IL1RAPL1: variants seen among roughly 807,000 people sequenced by gnomAD.
The protein encoded by IL1RAPL1 is interleukin-1 receptor accessory protein-like 1.
A neutral mutation model predicts 48.4 loss-of-function variants in IL1RAPL1; 3 were observed. The observed-to-expected ratio is 0.06, with a 90% CI of 0.03 to 0.16. The LOEUF (loss-of-function observed/expected upper bound fraction) is 0.16, where lower values mean the gene tolerates loss of function less well. Ranked by LOEUF, IL1RAPL1 falls within the 10% of genes least tolerant of loss-of-function variation. The pLI is 1.00. For synonymous variants in IL1RAPL1, 185 were observed against 187.7 expected (o/e 0.99, Z 0.12); for missense variants, 349 against 530.6 (o/e 0.66, Z 3.36).
At chrX:29,865,803 ATT>A (rs1161090848) in intron 6 of IL1RAPL1, among the ~76,000 whole-genome samples, 15 of 86,262 alleles carry the variant, frequency 1.7e-4, no homozygotes, top group African/African-American at 4.0e-4. Context: ...CGCCTGGCTA[ATT>A]TTTTTTTTTT....
At chrX:29,720,767 TAAAA>T (rs1424379061) in intron 6 of IL1RAPL1, among the ~76,000 whole-genome samples, 1 of 111,162 alleles carries the variant, frequency 9.0e-6, no homozygotes. Context: ...AAAAATAAAT[TAAAA>T]AAACAAACAA....
chrX:29,805,396 C>T (rs146635832), intron 6 of IL1RAPL1, among the ~76,000 whole-genome samples: 54 of 109,012 alleles, frequency 5.0e-4, no homozygotes, highest in African/African-American at 1.7e-3. Context: ...TAGTTACACA[C>T]GCACACACAC....
intron 6 of IL1RAPL1, among the ~76,000 whole-genome samples, chrX:29,801,016 A>C (rs571962084): frequency 0.05 from 1,788 of 35,633 alleles, 299 homozygotes; most frequent in African/African-American, 0.24. Flanking sequence ...AAAAAAAAAA[A>C]AAAAAAAAAA....
intron 6 of IL1RAPL1, among the ~76,000 whole-genome samples, chrX:29,682,688 A>G (rs1188282879): frequency 8.9e-6 from 1 of 112,673 alleles, no homozygotes; most frequent in Non-Finnish European, 1.9e-5. Flanking sequence ...TCTGATGCAC[A>G]GAAATAAATA....
At chrX:29,775,759 G>A (rs1929181322) in intron 6 of IL1RAPL1, among the ~76,000 whole-genome samples, 1 of 111,410 alleles carries the variant, frequency 9.0e-6, no homozygotes, top group Admixed American at 9.5e-5. Context: ...GATGGGAATA[G>A]TTCCTGACAG....
chrX:29,507,914 T>C (rs1569326846), intron 5 of IL1RAPL1, among the ~76,000 whole-genome samples: 2 of 111,767 alleles, frequency 1.8e-5, no homozygotes, highest in South Asian at 7.5e-4. Flanking sequence ...TTAGCTTTTG[T>C]GGTAGAAACC....
chrX:29,919,567 A>T (rs2147239569), intron 7 of IL1RAPL1, among the ~76,000 whole-genome samples: 1 of 112,700 alleles, frequency 8.9e-6, no homozygotes, highest in South Asian at 3.6e-4. Flanking sequence ...TTTTTAAAAA[A>T]TTAACCTGAC....
At chrX:29,247,729 C>T (rs1931540362) in intron 2 of IL1RAPL1, among the ~76,000 whole-genome samples, 1 of 111,584 alleles carries the variant, frequency 9.0e-6, no homozygotes, top group Non-Finnish European at 1.9e-5. Context: ...TTGCAGTGAG[C>T]CAAGATCATG....
At chrX:29,184,497 A>C (rs5985823) in intron 2 of IL1RAPL1, among the ~76,000 whole-genome samples, 1 of 109,876 alleles carries the variant, frequency 9.1e-6, no homozygotes, top group Non-Finnish European at 1.9e-5. Flanking sequence ...GTATTTTTGT[A>C]TGTTTGTTTG....
chrX:29,734,701 A>C (rs73456425), intron 6 of IL1RAPL1, among the ~76,000 whole-genome samples: 1,613 of 112,122 alleles, frequency 0.014, 22 homozygotes, highest in African/African-American at 0.049. Context: ...GTGTTCTCAA[A>C]ATAATAGTTT....
intron 3 of IL1RAPL1, among the ~76,000 whole-genome samples, chrX:29,384,448 A>G (rs1249674138): frequency 8.9e-6 from 1 of 111,836 alleles, no homozygotes; most frequent in Non-Finnish European, 1.9e-5. Context: ...GACTCTTACA[A>G]TGTTATGGAG....
intron 2 of IL1RAPL1, among the ~76,000 whole-genome samples, chrX:29,012,398 G>A (rs1031841982): frequency 1.8e-5 from 2 of 111,199 alleles, no homozygotes; most frequent in African/African-American, 6.5e-5. Flanking sequence ...CAAAAAATTA[G>A]CTGGGCATGG....
intron 6 of IL1RAPL1, among the ~76,000 whole-genome samples, chrX:29,802,761 A>ATATATATATATATATATGTGTGTG (rs1929947135): frequency 8.8e-5 from 2 of 22,629 alleles, no homozygotes; most frequent in African/African-American, 5.4e-4. Flanking sequence ...ATATATATAT[A>ATATATATATATATATATGTGTGTG]TATATATATA....
intron 2 of IL1RAPL1, among the ~76,000 whole-genome samples, chrX:28,875,064 A>G (rs1406174229): frequency 2.7e-5 from 3 of 112,114 alleles, no homozygotes; most frequent in Non-Finnish European, 5.6e-5. Flanking sequence ...GCAGTTAAGA[A>G]TTGTATTCAA....
At chrX:29,868,278 C>T (rs570879063) in intron 6 of IL1RAPL1, among the ~76,000 whole-genome samples, 2 of 112,408 alleles carry the variant, frequency 1.8e-5, no homozygotes, top group Admixed American at 1.9e-4. Flanking sequence ...CTCCAATTCT[C>T]GACGTTAAGC....
chrX:29,640,307 AG>A (rs1925127331), intron 5 of IL1RAPL1, among the ~76,000 whole-genome samples: 1 of 111,683 alleles, frequency 9.0e-6, no homozygotes, highest in Admixed American at 9.5e-5. Context: ...ATCTGAGAGG[AG>A]GGAGGTTCAA....
Position 29,949,030 on chromosome X carries a change from ACATT to A in IL1RAPL1, c.1202-5491_1202-5488del, listed in dbSNP as rs1933264821. The stretch of plus-strand genomic sequence containing the variant: ...AACTTGAAAAGTGAGTCTTCAACCT[ACATT>A]TTCTTAAAAGCTGTGTTATTCTAAA... On this transcript the variant is annotated intron_variant, in intron 9 of 10. Transcript: ENST00000378993. Among the ~76,000 whole-genome samples, 3 of 111,840 alleles carry A rather than the reference ACATT, an allele frequency of 2.7e-5. No homozygotes were observed. In the South Asian group the frequency reaches 1.1e-3, roughly 41 times the overall value.
intron 2 of IL1RAPL1, among the ~76,000 whole-genome samples, chrX:28,831,752 T>A (rs1009185124): frequency 9.0e-6 from 1 of 111,542 alleles, no homozygotes; most frequent in Non-Finnish European, 1.9e-5. Context: ...ATTTTCTGGA[T>A]TTTTTTATTT....
chrX:29,144,301 G>T (rs1929301764), intron 2 of IL1RAPL1, among the ~76,000 whole-genome samples: 1 of 110,819 alleles, frequency 9.0e-6, no homozygotes, highest in African/African-American at 3.3e-5. Flanking sequence ...TATCTTTAAA[G>T]GTAGGAAAAT....
Sources: gnomAD v4.1 joint callset for allele counts (sites outside exome capture counted in the v4.1 genomes callset) on GRCh38, gnomAD v4.1.1 for gene constraint, MANE v1.5 for transcripts, NCBI Gene and HGNC (gene_info 2026-07-23, HGNC 2026-07-21) for gene names.